Variants in KCNIP4 observed in about 807,000 individuals in gnomAD.
KCNIP4 encodes potassium voltage-gated channel interacting protein 4, also known as Kv channel-interacting protein 4.
Under a neutral mutation model 34.0 loss-of-function variants are expected in KCNIP4, and 12 were observed. The ratio of observed to expected loss-of-function variants is 0.35; its 90% CI spans 0.23 to 0.57. The LOEUF is 0.57. KCNIP4 is among the 20% of genes least tolerant of loss of function. KCNIP4 has a pLI of 0.83. For missense variants in KCNIP4, 238 were observed against 311.7 expected, an observed-to-expected ratio of 0.76 and a Z score of 1.78; for synonymous variants, 124 against 102.2, an observed-to-expected ratio of 1.21 and a Z score of -1.29.
intron 4 of KCNIP4, chr4:20,752,442 T>C (rs1456454350): frequency 3.9e-5 from 6 of 152,198 alleles, no homozygotes; most frequent in Admixed American, 3.9e-4. Context: ...AAAATTTCAG[T>C]AAATATTAGC....
intron 1 of KCNIP4, among the ~76,000 whole-genome samples, chr4:21,106,670 GT>G (rs1748574348): frequency 6.6e-6 from 1 of 151,458 alleles, no homozygotes; most frequent in Non-Finnish European, 1.5e-5. Flanking sequence ...TGCTTTTCTA[GT>G]TCTTTTAATT....
At chr4:21,613,138 T>C (rs1577692876) in intron 1 of KCNIP4, among the ~76,000 whole-genome samples, 1 of 152,214 alleles carries the variant, frequency 6.6e-6, no homozygotes, top group East Asian at 1.9e-4. Flanking sequence ...GTATTCATTA[T>C]GGTATACTGT....
Position 20,729,887 on chromosome 4 carries a change from G to A in KCNIP4, c.*195C>T. On this transcript the variant is annotated 3_prime_UTR_variant, in exon 9 of 9. Transcript: ENST00000382152. ...GTTAGACCATCCCCTGAACTCAGTG[G>A]CATTATGAAAAGGATGCAAATTTAT... 2.0e-6 allele frequency: 1 copy of A among 505,112 alleles called. No homozygotes were observed. The highest frequency in any genetic ancestry group is 4.3e-5 in the South Asian group (1 of 23,364). 31.3% of individuals were successfully genotyped at this position (505,112 alleles called of 1,614,324 possible). A position where few individuals can be genotyped will look rare whatever the true frequency, so the allele number is the denominator to read the frequency against.
In KCNIP4 at chr4:21,810,428, A is replaced by C. The variant is rs994425109; in HGVS notation, c.61+138143T>G. On this transcript the variant is annotated intron_variant, in intron 1 of 8. Coordinates refer to ENST00000382152, the MANE Select transcript of KCNIP4 (RefSeq NM_025221.6). ...GAATTTGGCTGGGCGCGGTGGCTCAAGCCTGTAATCCCAGCACATTGGGAG... is the reference window on the plus strand; with the variant it reads ...GAATTTGGCTGGGCGCGGTGGCTCACGCCTGTAATCCCAGCACATTGGGAG... Among the ~76,000 whole-genome samples the C allele has an allele frequency of 2.0e-5, 3 of 151,976 alleles. No homozygotes were observed. In the South Asian group the frequency reaches 6.2e-4, roughly 32 times the overall value.
intron 1 of KCNIP4, among the ~76,000 whole-genome samples, chr4:21,031,651 C>T (rs1269680493): frequency 6.6e-6 from 1 of 152,168 alleles, no homozygotes; most frequent in Non-Finnish European, 1.5e-5. Flanking sequence ...CTTGGCTTGG[C>T]TGTGAGCTCA....
chr4:21,092,967 C>G (rs1363552781), intron 1 of KCNIP4, among the ~76,000 whole-genome samples: 2 of 152,238 alleles, frequency 1.3e-5, no homozygotes, highest in African/African-American at 4.8e-5. Context: ...CAAAGGCATA[C>G]AAGTACTTTG....
At chr4:21,171,122 C>T (rs147644508) in intron 1 of KCNIP4, among the ~76,000 whole-genome samples, 2,880 of 152,294 alleles carry the variant, frequency 0.019, 56 homozygotes, top group Non-Finnish European at 0.026. Flanking sequence ...AAAACTTTCA[C>T]TTTATTGATT....
At chr4:20,802,067 T>A (rs1014492394) in intron 3 of KCNIP4, among the ~76,000 whole-genome samples, 2 of 149,166 alleles carry the variant, frequency 1.3e-5, no homozygotes, top group Non-Finnish European at 3.0e-5. Flanking sequence ...GGTCTGACAA[T>A]CAAGAAGACT....
chr4:21,555,827 C>T (rs983457277), intron 1 of KCNIP4, among the ~76,000 whole-genome samples: 1 of 152,046 alleles, frequency 6.6e-6, no homozygotes, highest in South Asian at 2.1e-4. Context: ...TGACTCATGT[C>T]CCCAGTCATT....
intron 1 of KCNIP4, among the ~76,000 whole-genome samples, chr4:20,996,928 A>G (rs1054272546): frequency 6.6e-6 from 1 of 152,140 alleles, no homozygotes; most frequent in African/African-American, 2.4e-5. Flanking sequence ...TGTTGAATGA[A>G]TGATGGCATA....
At chr4:21,948,433 A>C in intron 1 of KCNIP4, 138 bp downstream of exon 1, 1 of 910,378 alleles carries the variant, frequency 1.1e-6, no homozygotes. Flanking sequence ...TCCCCTTCCC[A>C]GTCCCGCCAG....
chr4:21,261,608 G>A (rs925636578), intron 1 of KCNIP4, among the ~76,000 whole-genome samples: 7 of 152,184 alleles, frequency 4.6e-5, no homozygotes, highest in Non-Finnish European at 1.0e-4. Context: ...GTTTCATCCA[G>A]TCTCACTAAT....
At chr4:21,129,693 G>A (rs577179876) in intron 1 of KCNIP4, among the ~76,000 whole-genome samples, 3 of 152,258 alleles carry the variant, frequency 2.0e-5, no homozygotes, top group South Asian at 2.1e-4. Flanking sequence ...GTGAATTTAC[G>A]AAAGTTCTCA....
At chr4:21,212,237 T>C (rs1206413244) in intron 1 of KCNIP4, among the ~76,000 whole-genome samples, 2 of 152,234 alleles carry the variant, frequency 1.3e-5, no homozygotes, top group African/African-American at 4.8e-5. Flanking sequence ...AAGTAACTAA[T>C]ATTTTCTAAG....
chr4:21,229,498 C>T (rs190934009), intron 1 of KCNIP4, among the ~76,000 whole-genome samples: 2 of 152,280 alleles, frequency 1.3e-5, no homozygotes, highest in African/African-American at 4.8e-5. Flanking sequence ...CATTTGCAAA[C>T]ACAGACGTTT....
intron 1 of KCNIP4, among the ~76,000 whole-genome samples, chr4:21,619,719 C>A (rs1744874766): frequency 6.6e-6 from 1 of 152,216 alleles, no homozygotes; most frequent in Non-Finnish European, 1.5e-5. Context: ...AGTAACTAAG[C>A]ACCTGCTATG....
At chr4:21,454,346 G>C in intron 1 of KCNIP4, among the ~76,000 whole-genome samples, 1 of 152,004 alleles carries the variant, frequency 6.6e-6, no homozygotes, top group East Asian at 1.9e-4. Context: ...GAAACCCAGG[G>C]GAATAAATGT....
chr4:21,274,051 G>GGTCT, intron 1 of KCNIP4, among the ~76,000 whole-genome samples: 1 of 152,148 alleles, frequency 6.6e-6, no homozygotes. Context: ...TCTGCTTGCA[G>GGTCT]GTCTCATATG....
At chr4:21,936,773 T>C (rs61246166) in intron 1 of KCNIP4, among the ~76,000 whole-genome samples, 245 of 152,268 alleles carry the variant, frequency 1.6e-3, no homozygotes, top group African/African-American at 5.7e-3. Flanking sequence ...CAGTTCATTC[T>C]ATTAGCCAGC....
Sources: gnomAD v4.1 joint callset for allele counts (sites outside exome capture counted in the v4.1 genomes callset) on GRCh38, gnomAD v4.1.1 for gene constraint, MANE v1.5 for transcripts, NCBI Gene and HGNC (gene_info 2026-07-23, HGNC 2026-07-21) for gene names.